XIRP2: variants seen among roughly 807,000 people sequenced by gnomAD.
XIRP2 encodes the protein xin actin-binding repeat-containing protein 2.
XIRP2 carries 236 observed loss-of-function variants against 277.0 expected under a neutral mutation model. The ratio of observed to expected loss-of-function variants is 0.85; its 90% CI spans 0.77 to 0.95. The LOEUF is 0.95. XIRP2 is among the 40% of genes least tolerant of loss of function. The probability of loss-of-function intolerance (pLI) is 0.00; values close to 1 mark genes in which losing one functional copy is unlikely to be tolerated. For missense variants in XIRP2, 4,640 were observed against 4,157.5 expected (o/e 1.12, Z -3.19); for synonymous variants, 1,490 against 1,416.5 (o/e 1.05, Z -1.17).
intron 2 of XIRP2, among the ~76,000 whole-genome samples, chr2:167,118,481 C>G (rs373368123): frequency 7.4e-5 from 3 of 40,558 alleles, no homozygotes; most frequent in African/African-American, 3.3e-4. Context: ...GACTCTGTCT[C>G]GATAAAATAA....
chr2:167,249,953 A>G lies in XIRP2; in HGVS notation c.8561A>G (p.Lys2854Arg), dbSNP rs1189649151. Residue 2854 changes from lysine to arginine, a missense_variant, in exon 9 of 11, where the codon AAG (lysine) becomes AGG (arginine). Transcript: ENST00000409195. The part of the protein sequence containing the change: ...LKNKSAPKVV[K>R]QKVIDAHLDS... ...AATAAATCAGCACCAAAGGTCGTCA[A>G]GCAAAAGGTTATCGATGCACATCTT... is the stretch of plus-strand genomic sequence containing the variant. 1 of 1,613,660 alleles carries G rather than the reference A, an allele frequency of 6.2e-7. No homozygotes were observed.
intron 2 of XIRP2, among the ~76,000 whole-genome samples, chr2:166,914,341 T>G (rs1466771441): frequency 6.6e-6 from 1 of 152,156 alleles, no homozygotes; most frequent in Non-Finnish European, 1.5e-5. Flanking sequence ...ATATTTTTTT[T>G]GTTTTGTTTT....
intron 2 of XIRP2, among the ~76,000 whole-genome samples, chr2:166,986,897 T>C (rs1049246838): frequency 3.9e-5 from 6 of 152,252 alleles, no homozygotes; most frequent in Admixed American, 3.3e-4. Context: ...TGTCTAGGCT[T>C]AGTTTTATGC....
In XIRP2 at chr2:166,971,511, C is replaced by T. The variant is rs546631280; in HGVS notation, c.408+67621C>T. On this transcript the variant is annotated intron_variant, in intron 2 of 10. Transcript: ENST00000409195. Reference sequence around the variant, plus strand: ...TACTTCTGATATTTTGGACTCCCTACTCAACTACTCTCTTCCACAAGCTTG... The same window carrying T: ...TACTTCTGATATTTTGGACTCCCTATTCAACTACTCTCTTCCACAAGCTTG... Among the ~76,000 whole-genome samples, 6 of 152,132 alleles carry T rather than the reference C, an allele frequency of 3.9e-5. No individual in the cohort carries two copies. The South Asian group carries it at 1.2e-3, about 32-fold the overall frequency.
At chr2:166,997,108 G>C (rs938573008) in intron 2 of XIRP2, among the ~76,000 whole-genome samples, 1 of 152,026 alleles carries the variant, frequency 6.6e-6, no homozygotes, top group Admixed American at 6.6e-5. Flanking sequence ...ACCTACATTT[G>C]GTATGATCAT....
intron 2 of XIRP2, among the ~76,000 whole-genome samples, chr2:167,092,129 GA>G (rs1690165439): frequency 6.6e-6 from 1 of 152,012 alleles, no homozygotes; most frequent in Non-Finnish European, 1.5e-5. Flanking sequence ...GGGGGATTTT[GA>G]ACCAAGTTAC....
chr2:166,986,987 A>G (rs1687023311), intron 2 of XIRP2, among the ~76,000 whole-genome samples: 1 of 152,224 alleles, frequency 6.6e-6, no homozygotes, highest in African/African-American at 2.4e-5. Flanking sequence ...CAGGCATAGA[A>G]ATCACTGAAT....
chr2:167,239,830 T>C (rs1695000924), intron 5 of XIRP2, 25 bp from the exon 6 acceptor site: 1 of 1,564,054 alleles, frequency 6.4e-7, no homozygotes, highest in Non-Finnish European at 8.6e-7. Flanking sequence ...CTTAAGGCAT[T>C]GTCTGTCTGT....
chr2:167,132,511 TACACACACACACACACACACACACAC>T (rs35636231), intron 2 of XIRP2, among the ~76,000 whole-genome samples: 2 of 146,226 alleles, frequency 1.4e-5, no homozygotes, highest in African/African-American at 5.0e-5. Flanking sequence ...TGCATGTGTA[TACACACACACACACACACACACACAC>T]ACACACACAC....
chr2:166,972,075 G>GC (rs973379939), intron 2 of XIRP2, among the ~76,000 whole-genome samples: 9 of 151,990 alleles, frequency 5.9e-5, no homozygotes, highest in African/African-American at 2.2e-4. Flanking sequence ...ATTTAGATGA[G>GC]CCCCCACCTC....
chr2:166,978,694 TTTTTC>T (rs1474664723), intron 2 of XIRP2, among the ~76,000 whole-genome samples: 5 of 152,098 alleles, frequency 3.3e-5, no homozygotes, highest in Non-Finnish European at 5.9e-5. Context: ...TAAAAAATAA[TTTTTC>T]TAGCCAGACA....
chr2:167,086,875 G>T (rs537483811), intron 2 of XIRP2, among the ~76,000 whole-genome samples: 1 of 152,044 alleles, frequency 6.6e-6, no homozygotes, highest in Non-Finnish European at 1.5e-5. Flanking sequence ...CAACTTCTTT[G>T]CCTTTGGTCT....
intron 2 of XIRP2, among the ~76,000 whole-genome samples, chr2:167,052,687 A>T (rs1383228324): frequency 1.3e-5 from 2 of 152,202 alleles, no homozygotes; most frequent in Non-Finnish European, 2.9e-5. Flanking sequence ...GAGAAGGCAC[A>T]TACACAAGTA....
At chr2:167,110,165 T>G (rs1166222395) in intron 2 of XIRP2, among the ~76,000 whole-genome samples, 1 of 152,256 alleles carries the variant, frequency 6.6e-6, no homozygotes. Flanking sequence ...TGTGCAGAAA[T>G]TCTTTTATTT....
chr2:166,939,676 T>A (rs1364518157), intron 2 of XIRP2, among the ~76,000 whole-genome samples: 2 of 61,666 alleles, frequency 3.2e-5, no homozygotes, highest in African/African-American at 9.4e-5. Flanking sequence ...CAAGACTCCA[T>A]CACAAAAAAA....
At chr2:166,956,839 C>G (rs1176299103) in intron 2 of XIRP2, among the ~76,000 whole-genome samples, 1 of 151,724 alleles carries the variant, frequency 6.6e-6, no homozygotes, top group East Asian at 2.0e-4. Context: ...TCATTTATAT[C>G]TCAATGAGGG....
intron 2 of XIRP2, among the ~76,000 whole-genome samples, chr2:167,049,054 C>T (rs1395094842): frequency 4.6e-5 from 7 of 151,836 alleles, no homozygotes. Context: ...AGGCAAATGC[C>T]TGGAGGGGAA....
At chr2:167,229,324 T>C (rs1694690206) in intron 5 of XIRP2, among the ~76,000 whole-genome samples, 1 of 152,146 alleles carries the variant, frequency 6.6e-6, no homozygotes, top group South Asian at 2.1e-4. Flanking sequence ...TCTCAAGTGT[T>C]TAGACAATAT....
Position 167,250,698 on chromosome 2 carries a change from T to C in XIRP2, c.9306T>C (p.Ile3102=), listed in dbSNP as rs1392181129. 2.5e-6 allele frequency: 4 copies of C among 1,613,184 alleles called. No homozygotes were observed. In the East Asian group the frequency reaches 8.9e-5, roughly 36 times the overall value. Residue 3102 remains isoleucine, a synonymous_variant, in exon 9 of 11, where the codon ATT becomes ATC. Coordinates refer to ENST00000409195, the MANE Select transcript of XIRP2 (RefSeq NM_152381.6). ...GTCACGTGAAAACCCATCAGGAAAT[T>C]AAACTTGATGATAGCAACATTCCTC... ...VRSHVKTHQE[I]KLDDSNIPPP...
Sources: gnomAD v4.1 joint callset for allele counts (sites outside exome capture counted in the v4.1 genomes callset) on GRCh38, gnomAD v4.1.1 for gene constraint, MANE v1.5 for transcripts, NCBI Gene and HGNC (gene_info 2026-07-23, HGNC 2026-07-21) for gene names.